Variants in CACNA1C observed in about 807,000 individuals in gnomAD.
CACNA1C encodes voltage-dependent L-type calcium channel subunit alpha-1C.
Under a neutral mutation model 229.0 loss-of-function variants are expected in CACNA1C, and 30 were observed. That is an observed-to-expected ratio of 0.13 (90% CI 0.10 to 0.18). CACNA1C has a LOEUF of 0.18. CACNA1C is among the 10% of genes least tolerant of loss of function. The pLI is 1.00. For synonymous variants in CACNA1C, 1,114 were observed against 1,132.5 expected, an observed-to-expected ratio of 0.98 and a Z score of 0.33; for missense variants, 1,658 against 2,845.0, an observed-to-expected ratio of 0.58 and a Z score of 9.49.
chr12:2,218,403 A>C (rs1012627919), intron 3 of CACNA1C, among the ~76,000 whole-genome samples: 3 of 152,136 alleles, frequency 2.0e-5, no homozygotes, highest in African/African-American at 7.2e-5. Context: ...ATTCTGCAGG[A>C]GTTTGGATAG....
intron 3 of CACNA1C, among the ~76,000 whole-genome samples, chr12:2,380,383 A>G (rs1763329622): frequency 6.6e-6 from 1 of 152,228 alleles, no homozygotes; most frequent in Admixed American, 6.5e-5. Flanking sequence ...ACTAAAAAGC[A>G]GTACCTGGAC....
chr12:2,602,943 G>A lies in CACNA1C; in HGVS notation c.2960+983G>A, dbSNP rs187366911. On this transcript the variant is annotated intron_variant, in intron 22 of 46. Transcript: ENST00000399655. The surrounding 1 kb of genome is among the most constrained non-coding windows in gnomAD (Gnocchi z 4.4). The stretch of plus-strand genomic sequence containing the variant: ...CATGATTGTATAGATGGGAAATTTG[G>A]AGTTCAGGACATCATGACACTTGCT... 3.3e-5 allele frequency among the ~76,000 whole-genome samples: 5 copies of A among 152,238 alleles called. No individual in the cohort carries two copies. Among genetic ancestry groups the A allele is most frequent in the Admixed American group, 2.6e-4 (4 of 15,304 alleles).
chr12:2,004,937 G>C (rs998916684), intron 1 of CACNA1C, among the ~76,000 whole-genome samples: 1 of 148,544 alleles, frequency 6.7e-6, no homozygotes, highest in Non-Finnish European at 1.5e-5. Context: ...GAGTTTCTGA[G>C]ACCCTTTCAG....
At chr12:2,175,165 C>T (rs1011568567) in intron 3 of CACNA1C, among the ~76,000 whole-genome samples, 7 of 152,174 alleles carry the variant, frequency 4.6e-5, no homozygotes, top group Non-Finnish European at 8.8e-5. Flanking sequence ...CAGTAAAACG[C>T]AAGAGATCCT....
Position 2,442,158 on chromosome 12 carries a change from C to T in CACNA1C, c.478-6818C>T, listed in dbSNP as rs143848787. 1.2e-4 allele frequency among the ~76,000 whole-genome samples: 19 copies of T among 152,236 alleles called. No homozygotes were observed. The East Asian group carries it at 3.7e-3, about 29-fold the overall frequency. On this transcript the variant is annotated intron_variant, in intron 3 of 46. Transcript: ENST00000399655. The stretch of plus-strand genomic sequence containing the variant: ...ATTATTCTCATTCTTGAGTCTTTGT[C>T]CTCAAGAAGCTTATAATGTAGTTGA...
intron 38 of CACNA1C, among the ~76,000 whole-genome samples, chr12:2,670,310 G>A (rs574366887): frequency 1.3e-5 from 2 of 152,176 alleles, no homozygotes; most frequent in Non-Finnish European, 2.9e-5. Context: ...CCGGGCAGGT[G>A]GGAGGCTCGA....
At chr12:2,358,405 A>G (rs2097452549) in intron 3 of CACNA1C, among the ~76,000 whole-genome samples, 1 of 152,072 alleles carries the variant, frequency 6.6e-6, no homozygotes, top group East Asian at 1.9e-4. Context: ...TCTCTTTAAA[A>G]TCTCATTACA....
At chr12:2,074,701 C>G (rs926151767) in intron 1 of CACNA1C, among the ~76,000 whole-genome samples, 1 of 152,140 alleles carries the variant, frequency 6.6e-6, no homozygotes, top group Non-Finnish European at 1.5e-5. Flanking sequence ...ATGAATTAGA[C>G]CCCCCTGCTT....
chr12:2,230,522 C>G (rs1410220851), intron 3 of CACNA1C, among the ~76,000 whole-genome samples: 3 of 152,322 alleles, frequency 2.0e-5, no homozygotes, highest in Middle Eastern at 3.4e-3. Context: ...AAGAGGAGAA[C>G]AGAAGGGAAT....
chr12:2,608,643 C>G lies in CACNA1C; in HGVS notation c.3489C>G (p.Gly1163=), dbSNP rs1057522786. The G allele has an allele frequency of 2.4e-5, 39 of 1,613,948 alleles. No individual in the cohort carries two copies. The highest frequency in any genetic ancestry group is 3.2e-5 in the Non-Finnish European group (38 of 1,179,890). Residue 1163 remains glycine, a synonymous_variant, in exon 27 of 47, where the codon GGC becomes GGG. Transcript: ENST00000399655. The surrounding 1 kb of genome is among the most constrained non-coding windows in gnomAD (Gnocchi z 4.2). ...IAFFMMNIFV[G]FVIVTFQEQG... ...TCTTCATGATGAACATCTTCGTGGGCTTCGTCATCGTCACCTTTCAGGAGC... is the reference window on the plus strand; with the variant it reads ...TCTTCATGATGAACATCTTCGTGGGGTTCGTCATCGTCACCTTTCAGGAGC...
intron 3 of CACNA1C, among the ~76,000 whole-genome samples, chr12:2,445,556 G>T (rs1157228822): frequency 1.3e-5 from 2 of 152,078 alleles, no homozygotes; most frequent in African/African-American, 4.8e-5. Flanking sequence ...AATTTGCCAA[G>T]GCCAAAGGTC....
intron 2 of CACNA1C, among the ~76,000 whole-genome samples, chr12:2,117,680 G>C (rs1001489247): frequency 1.2e-4 from 18 of 152,258 alleles, no homozygotes; most frequent in African/African-American, 4.3e-4. Flanking sequence ...GTAGATACTA[G>C]GTGGGACCGG....
chr12:2,414,181 G>A (rs1036516612), intron 3 of CACNA1C, among the ~76,000 whole-genome samples: 8 of 152,298 alleles, frequency 5.3e-5, no homozygotes, highest in Non-Finnish European at 1.2e-4. Flanking sequence ...CTAGTCACCC[G>A]TGTTCCAAGT....
Position 2,678,350 on chromosome 12 carries a change from G to A in CACNA1C, c.5091+483G>A, listed in dbSNP as rs959833283. Among the ~76,000 whole-genome samples, 1 of 152,064 alleles carries A rather than the reference G, an allele frequency of 6.6e-6. No homozygotes were observed. Among genetic ancestry groups the A allele is most frequent in the Non-Finnish European group, 1.5e-5 (1 of 68,018 alleles). ...GTGGCCCTTTGAGATGGAGCATAGC[G>A]TGTGTTCTCCAGGTCTCCAAGACCC... On this transcript the variant is annotated intron_variant, in intron 41 of 46. Coordinates refer to ENST00000399655, the MANE Select transcript of CACNA1C (RefSeq NM_000719.7). The surrounding 1 kb of genome is among the most constrained non-coding windows in gnomAD (Gnocchi z 4.1).
At chr12:2,096,792 A>G (rs1305935746) in intron 1 of CACNA1C, among the ~76,000 whole-genome samples, 1 of 152,012 alleles carries the variant, frequency 6.6e-6, no homozygotes, top group Non-Finnish European at 1.5e-5. Context: ...TCTCTTTACA[A>G]CTATTCTAGG....
chr12:2,303,778 CGGGTGGA>C (rs2094778939), intron 3 of CACNA1C, among the ~76,000 whole-genome samples: 1 of 152,146 alleles, frequency 6.6e-6, no homozygotes. Flanking sequence ...GAGTGGGCGC[CGGGTGGA>C]ACTCCAGGGG....
At chr12:2,363,009 C>T (rs937078707) in intron 3 of CACNA1C, among the ~76,000 whole-genome samples, 2 of 152,238 alleles carry the variant, frequency 1.3e-5, no homozygotes, top group Non-Finnish European at 2.9e-5. Context: ...TAGTCACATG[C>T]AATAATGGCC....
rs1382336272 is a variant in CACNA1C at position 2,534,158 on chromosome 12, C to T, written c.1391-15785C>T. Among the ~76,000 whole-genome samples the T allele has an allele frequency of 6.6e-5, 10 of 152,204 alleles. No individual in the cohort carries two copies. The East Asian group carries it at 7.7e-4, about 12-fold the overall frequency. On this transcript the variant is annotated intron_variant, in intron 9 of 46. Transcript: ENST00000399655. ...AGCAGGGCAAAGACCCAGACACAGG[C>T]GCACAGCTCCCAGCAAGCGCCCTGG...
chr12:2,661,724 ATT>A (rs1429867041), intron 34 of CACNA1C, among the ~76,000 whole-genome samples: 2 of 152,254 alleles, frequency 1.3e-5, no homozygotes, highest in Non-Finnish European at 2.9e-5. Context: ...TGTACACATA[ATT>A]GTCATTGTTT....
Sources: allele counts gnomAD v4.1 joint callset (sites outside exome capture counted in the v4.1 genomes callset), GRCh38; gene constraint gnomAD v4.1.1; non-coding constraint Gnocchi (gnomAD v3.1); transcripts MANE v1.5; gene names NCBI Gene and HGNC (gene_info 2026-07-23, HGNC 2026-07-21).